Variants in TRIO observed in about 807,000 individuals in gnomAD.
The protein encoded by TRIO is triple functional domain protein.
Under a neutral mutation model 351.9 loss-of-function variants are expected in TRIO, and 58 were observed. The ratio of observed to expected loss-of-function variants is 0.16; its 90% confidence interval spans 0.13 to 0.21. The LOEUF (loss-of-function observed/expected upper bound fraction) is 0.21. Ranked by LOEUF, TRIO falls within the 10% of genes least tolerant of loss-of-function variation. The pLI, the probability that TRIO is intolerant of heterozygous loss-of-function variation, is 1.00. For missense variants in TRIO, 3,201 were observed against 4,027.8 expected (o/e 0.79, Z 5.56); for synonymous variants, 1,758 against 1,595.7 (o/e 1.10, Z -2.42).
chr5:14,487,828 G>A lies in TRIO; in HGVS notation c.7200G>A (p.Glu2400=). The A allele has an allele frequency of 6.7e-7, 1 of 1,493,894 alleles. No individual in the cohort carries two copies. 92.5% of individuals were successfully genotyped at this position (1,493,894 alleles called of 1,614,324 possible). A position where few individuals can be genotyped will look rare whatever the true frequency, so the allele number is the denominator to read the frequency against. The change falls in exon 48 of 57, where the codon GAG becomes GAA. Residue 2400 remains glutamate, a synonymous_variant. Coordinates refer to ENST00000344204, the MANE Select transcript of TRIO (RefSeq NM_007118.4). ...GGCGGCCCCCCGGCGCGGACGCCGA[G>A]GGGTCCGAGCGAGAAGCGGAGCCGA... ...PSRRPPGADA[E]GSEREAEPIP...
rs72730863 is a variant in TRIO, at chr5:14,427,518, C to T, written c.5203+7497C>T. Among the ~76,000 whole-genome samples the T allele has an allele frequency of 2.6e-3, 390 of 152,268 alleles. 3 individuals are homozygous for T. Among genetic ancestry groups the T allele is most frequent in the Middle Eastern group, 0.01 (3 of 294 alleles). Reference sequence around the variant, plus strand: ...TCCCTGCTCAGAATACAACCAGTTACCAGAAACGACCTCACCCCTCCAACC... The same window carrying T: ...TCCCTGCTCAGAATACAACCAGTTATCAGAAACGACCTCACCCCTCCAACC... On this transcript the variant is annotated intron_variant, in intron 34 of 56. Transcript: ENST00000344204.
At chr5:14,209,471 A>G (rs578158076) in intron 1 of TRIO, among the ~76,000 whole-genome samples, 3 of 152,234 alleles carry the variant, frequency 2.0e-5, no homozygotes, top group Non-Finnish European at 4.4e-5. Flanking sequence ...CCAGTTACTA[A>G]TATATTCTTT....
chr5:14,381,460 T>C (rs1006145616), intron 21 of TRIO, among the ~76,000 whole-genome samples: 3 of 152,174 alleles, frequency 2.0e-5, no homozygotes, highest in African/African-American at 7.2e-5. Context: ...GTCCCTCTGA[T>C]GTCTGTGAAT....
chr5:14,487,080 G>T (rs1418211278), intron 47 of TRIO, among the ~76,000 whole-genome samples: 1 of 152,132 alleles, frequency 6.6e-6, no homozygotes, highest in South Asian at 2.1e-4. Context: ...GCAGAGCAGA[G>T]GTGGTCTATG....
Position 14,476,890 on chromosome 5 carries a change from C to G in TRIO, c.6084-4C>G, listed in dbSNP as rs765082072. ...AGTTCTAATATTTTCTCCTTTCTTT[C>G]CAGCTTTTTTTTAGGAGAGTTAGAG... On this transcript the variant is annotated splice_region_variant and splice_polypyrimidine_tract_variant and intron_variant, in intron 40 of 56. Coordinates refer to ENST00000344204, the MANE Select transcript of TRIO (RefSeq NM_007118.4). 2.5e-6 allele frequency: 4 copies of G among 1,612,494 alleles called. No individual in the cohort carries two copies. The highest frequency in any genetic ancestry group is 1.3e-5 in the African/African-American group (1 of 74,828).
intron 43 of TRIO, among the ~76,000 whole-genome samples, chr5:14,480,363 C>T (rs1405725083): frequency 1.3e-5 from 2 of 152,158 alleles, no homozygotes; most frequent in African/African-American, 4.8e-5. Flanking sequence ...TTATTTACAT[C>T]GAGTTCAGAA....
At chr5:14,198,633 T>G (rs999309746) in intron 1 of TRIO, among the ~76,000 whole-genome samples, 1 of 151,754 alleles carries the variant, frequency 6.6e-6, no homozygotes, top group African/African-American at 2.4e-5. Flanking sequence ...TACTGTAAGG[T>G]GTGAGGGCCT....
chr5:14,157,016 A>G (rs1249577179), intron 1 of TRIO, among the ~76,000 whole-genome samples: 3 of 152,242 alleles, frequency 2.0e-5, no homozygotes, highest in Non-Finnish European at 4.4e-5. Context: ...CTCAATGTAC[A>G]AATTGCCAAA....
At chr5:14,204,617 G>A (rs1394558021) in intron 1 of TRIO, among the ~76,000 whole-genome samples, 2 of 152,118 alleles carry the variant, frequency 1.3e-5, no homozygotes, top group Non-Finnish European at 2.9e-5. Flanking sequence ...GGAAGATATT[G>A]CCCAAAATAA....
intron 5 of TRIO, among the ~76,000 whole-genome samples, chr5:14,291,441 C>A (rs1292701251): frequency 1.3e-5 from 2 of 151,682 alleles, no homozygotes; most frequent in Non-Finnish European, 2.9e-5. Flanking sequence ...ATTTTGAGTT[C>A]AAATTACTTA....
chr5:14,436,435 G>A lies in TRIO; in HGVS notation c.5203+16414G>A, dbSNP rs913671797. On this transcript the variant is annotated intron_variant, in intron 34 of 56. Coordinates refer to ENST00000344204, the MANE Select transcript of TRIO (RefSeq NM_007118.4). ...ATTTGGGTGGGGACACAGCCAAACC[G>A]TATCATTCCACCCCTGGTCCCTCCC... 8.6e-5 allele frequency among the ~76,000 whole-genome samples: 13 copies of A among 151,782 alleles called. No individual in the cohort carries two copies. The East Asian group carries it at 1.2e-3, about 14-fold the overall frequency.
At chr5:14,183,356 A>C (rs919686574) in intron 1 of TRIO, among the ~76,000 whole-genome samples, 2 of 152,124 alleles carry the variant, frequency 1.3e-5, no homozygotes, top group Non-Finnish European at 2.9e-5. Flanking sequence ...CCCTTCCTTT[A>C]ATAGTAAGTA....
At chr5:14,339,167 G>C (rs1741707596) in intron 11 of TRIO, among the ~76,000 whole-genome samples, 1 of 151,592 alleles carries the variant, frequency 6.6e-6, no homozygotes, top group Non-Finnish European at 1.5e-5. Context: ...AGCTCAGAAG[G>C]TGAAAGTTGC....
At chr5:14,363,636 T>C in intron 13 of TRIO, 96 bp from the exon 14 acceptor site, 1 of 1,177,154 alleles carries the variant, frequency 8.5e-7, no homozygotes, top group Non-Finnish European at 1.2e-6. Flanking sequence ...CTCTGTCCTT[T>C]GGCAGAGAGA....
intron 1 of TRIO, among the ~76,000 whole-genome samples, chr5:14,254,293 C>T (rs1794909146): frequency 6.6e-6 from 1 of 152,010 alleles, no homozygotes; most frequent in South Asian, 2.1e-4. Flanking sequence ...AAGCAATTCC[C>T]CTGCCTCAAC....
At chr5:14,158,465 G>A (rs1443344344) in intron 1 of TRIO, among the ~76,000 whole-genome samples, 1 of 152,082 alleles carries the variant, frequency 6.6e-6, no homozygotes, top group Non-Finnish European at 1.5e-5. Flanking sequence ...ATGACTAGGG[G>A]TAGTGAGAAT....
chr5:14,487,553 G>A lies in TRIO; in HGVS notation c.6925G>A (p.Gly2309Ser), dbSNP rs1053601846. The A allele has an allele frequency of 2.1e-5, 22 of 1,063,028 alleles. No homozygotes were observed. The highest frequency in any genetic ancestry group is 2.0e-5 in the Non-Finnish European group (17 of 870,432). The allele number at this position is 1,063,028 out of a possible 1,614,324, so 65.8% of individuals were successfully genotyped here. Residue 2309 changes from glycine to serine, a missense_variant, in exon 48 of 57, where the codon GGC becomes AGC. Physicochemically the swap from Gly to Ser is moderately conservative, Grantham distance 56 (BLOSUM62 0). Around this residue, in one of 19 missense-constraint regions of TRIO, gnomAD observed 1,089 missense variants for 954.9 expected, o/e 1.14. Coordinates refer to ENST00000344204, the MANE Select transcript of TRIO (RefSeq NM_007118.4). ...SGGSGGGGGSGGGGAPSGGSG... is the reference protein window; with the variant it reads ...SGGSGGGGGSSGGGAPSGGSG... ...GGGCAGCGGCGGGGGTGGGGGCAGC[G>A]GCGGCGGCGGGGCCCCCAGTGGCGG...
rs1430179848 is a variant in TRIO, at chr5:14,398,953, C to G, written c.4497C>G (p.Thr1499=). The G allele has an allele frequency of 6.2e-7, 1 of 1,614,000 alleles. No homozygotes were observed. Among genetic ancestry groups the G allele is most frequent in the African/African-American group, 1.3e-5 (1 of 74,902 alleles). ...QESFQVWDPK[T]LIRKGRERHL... ...CCTTCCAAGTGTGGGACCCAAAAAC[C>G]TTAATTCGAAAGGGTCGAGAACGGC... Residue 1499 remains threonine (T), a synonymous_variant, in exon 30 of 57, where the codon ACC becomes ACG. Transcript: ENST00000344204.
intron 8 of TRIO, among the ~76,000 whole-genome samples, chr5:14,314,976 C>T (rs953438894): frequency 6.6e-6 from 1 of 152,176 alleles, no homozygotes; most frequent in Non-Finnish European, 1.5e-5. Flanking sequence ...GAATTTTAAA[C>T]CCTGAAGCCT....
Sources: gnomAD v4.1 joint callset for allele counts (sites outside exome capture counted in the v4.1 genomes callset) on GRCh38, gnomAD v4.1.1 for gene constraint, gnomAD v4.1.1 regional missense constraint, MANE v1.5 for transcripts, NCBI Gene and HGNC (gene_info 2026-07-23, HGNC 2026-07-21) for gene names.